Variants in CCDC39 observed in about 807,000 individuals in gnomAD.
CCDC39 encodes the protein coiled-coil domain-containing protein 39.
Under a neutral mutation model 121.0 loss-of-function variants are expected in CCDC39, and 113 were observed. The observed-to-expected ratio is 0.93, with a 90% confidence interval of 0.80 to 1.09. CCDC39 has a LOEUF of 1.09. CCDC39 is among the 50% of genes least tolerant of loss of function. The pLI, the probability that CCDC39 is intolerant of heterozygous loss-of-function variation, is 0.00. For synonymous variants in CCDC39, 349 were observed against 352.2 expected (o/e 0.99, Z 0.10); for missense variants, 1,063 against 1,074.7 (o/e 0.99, Z 0.15).
intron 6 of CCDC39, among the ~76,000 whole-genome samples, chr3:180,658,753 A>C (rs1310310618): frequency 6.6e-6 from 1 of 152,140 alleles, no homozygotes; most frequent in African/African-American, 2.4e-5. Context: ...CAGATACCAG[A>C]ATTTAAACTC....
intron 16 of CCDC39, chr3:180,617,497 C>A: frequency 1.5e-6 from 1 of 673,812 alleles, no homozygotes. Flanking sequence ...GTTACTGACC[C>A]TGAAGACCTT....
At chr3:180,648,511 C>A (rs376853432) in intron 9 of CCDC39, among the ~76,000 whole-genome samples, 152 bp from the exon 10 acceptor site, 1 of 152,164 alleles carries the variant, frequency 6.6e-6, no homozygotes, top group African/African-American at 2.4e-5. Flanking sequence ...TTTAACAAGT[C>A]CCCAGCATTT....
At chr3:180,635,955 C>T (rs1293179872) in intron 13 of CCDC39, among the ~76,000 whole-genome samples, 2 of 152,108 alleles carry the variant, frequency 1.3e-5, no homozygotes, top group African/African-American at 4.8e-5. Flanking sequence ...GAACATACCT[C>T]AAAATAATAA....
At chr3:180,650,650 A>T (rs1188670339) in intron 9 of CCDC39, among the ~76,000 whole-genome samples, 2 of 151,784 alleles carry the variant, frequency 1.3e-5, no homozygotes, top group Admixed American at 6.6e-5. Flanking sequence ...TGAGGTCAGG[A>T]GTTTGAGGCC....
intron 14 of CCDC39, among the ~76,000 whole-genome samples, chr3:180,627,582 C>T (rs189732236): frequency 6.6e-6 from 1 of 152,174 alleles, no homozygotes. Flanking sequence ...CTTAATTGGA[C>T]AGTGTCATTA....
intron 13 of CCDC39, among the ~76,000 whole-genome samples, chr3:180,633,035 A>G (rs1304952358): frequency 6.6e-6 from 1 of 152,208 alleles, no homozygotes. Context: ...TAGGAATGAG[A>G]TAAAGTCTTC....
intron 1 of CCDC39, among the ~76,000 whole-genome samples, chr3:180,671,072 TGTG>T (rs995829403): frequency 6.6e-6 from 1 of 151,824 alleles, no homozygotes; most frequent in Non-Finnish European, 1.5e-5. Flanking sequence ...ACTAGCTAGG[TGTG>T]GTGGTATGCA....
At chr3:180,617,432 T>C (rs1717288820) in intron 16 of CCDC39, 1 of 683,478 alleles carries the variant, frequency 1.5e-6, no homozygotes, top group Non-Finnish European at 2.7e-6. Flanking sequence ...AGGCAGGTCC[T>C]TCAGGAGATA....
At chr3:180,659,639 C>T in intron 5 of CCDC39, 38 bp downstream of exon 5, 1 of 1,604,566 alleles carries the variant, frequency 6.2e-7, no homozygotes, top group Non-Finnish European at 8.5e-7. Flanking sequence ...CAAACATCAC[C>T]TTGAAAATTA....
At position 180,616,906 on chromosome 3, in the gene CCDC39, A is replaced by C; in HGVS notation, c.2326T>G (p.Ser776Ala). 1.3e-6 allele frequency: 2 copies of C among 1,563,692 alleles called. No individual in the cohort carries two copies. Among genetic ancestry groups the C allele is most frequent in the East Asian group, 4.5e-5 (2 of 44,478 alleles). Reference sequence around the variant, plus strand: ...TGAAATGAATAAGCCTGCTTCTCTGATAACTTTTCTTTAACATTATTTGCC... The same window carrying C: ...TGAAATGAATAAGCCTGCTTCTCTGCTAACTTTTCTTTAACATTATTTGCC... ...HLANNVKEKL[S>A]EKQAYSFQLS... The change falls in exon 17 of 20, where the codon TCA becomes GCA. Residue 776 changes from serine (S) to alanine (A), a missense_variant. Physicochemically the swap from Ser to Ala is moderately conservative, Grantham distance 99. Coordinates refer to ENST00000476379, the MANE Select transcript of CCDC39 (RefSeq NM_181426.2).
chr3:180,635,643 A>G (rs1342475457), intron 13 of CCDC39, among the ~76,000 whole-genome samples: 1 of 152,164 alleles, frequency 6.6e-6, no homozygotes, highest in African/African-American at 2.4e-5. Context: ...CATGTCTCAC[A>G]TCCAGGGCAC....
chr3:180,629,556 C>G (rs1717645939), intron 14 of CCDC39, among the ~76,000 whole-genome samples: 1 of 152,102 alleles, frequency 6.6e-6, no homozygotes, highest in Non-Finnish European at 1.5e-5. Flanking sequence ...ATCATTGCAC[C>G]CATGGTTTGC....
intron 13 of CCDC39, among the ~76,000 whole-genome samples, chr3:180,632,519 C>T (rs912985040): frequency 1.6e-4 from 24 of 152,182 alleles, no homozygotes; most frequent in African/African-American, 4.8e-4. Flanking sequence ...TTAATTATCA[C>T]TCATTTCCTC....
chr3:180,614,266 C>A lies in CCDC39; in HGVS notation c.*655G>T, dbSNP rs1366317159. ...TGTATCTGAAAGCAAATCTTTAATG[C>A]GTTTATTTCAAGGTCAGAAGTGATT... On this transcript the variant is annotated 3_prime_UTR_variant, in exon 20 of 20. Transcript: ENST00000476379. The A allele has an allele frequency of 6.5e-6, 1 of 154,028 alleles. No homozygotes were observed. The highest frequency in any genetic ancestry group is 6.6e-5 in the Admixed American group (1 of 15,256). 9.5% of individuals were successfully genotyped at this position (154,028 alleles called of 1,614,324 possible). A position where few individuals can be genotyped will look rare whatever the true frequency, so the allele number is the denominator to read the frequency against.
chr3:180,660,459 C>A, intron 4 of CCDC39, 111 bp downstream of exon 4: 1 of 951,246 alleles, frequency 1.1e-6, no homozygotes, highest in South Asian at 2.7e-5. Flanking sequence ...GCCTCTGACT[C>A]AGAAGTTTAA....
chr3:180,629,052 G>T (rs544404625), intron 14 of CCDC39, among the ~76,000 whole-genome samples: 1 of 152,326 alleles, frequency 6.6e-6, no homozygotes, highest in African/African-American at 2.4e-5. Flanking sequence ...GGCAAGGTTT[G>T]TCCCAGCAGT....
intron 13 of CCDC39, among the ~76,000 whole-genome samples, chr3:180,633,507 G>C (rs1234062152): frequency 6.6e-6 from 1 of 152,146 alleles, no homozygotes; most frequent in Non-Finnish European, 1.5e-5. Context: ...TGTAAGAGCA[G>C]TGAAGAATAA....
At chr3:180,670,099 T>C (rs754159512) in intron 1 of CCDC39, among the ~76,000 whole-genome samples, 5 of 152,134 alleles carry the variant, frequency 3.3e-5, no homozygotes, top group Non-Finnish European at 7.4e-5. Context: ...ATAACTACAT[T>C]AAAAACATGT....
intron 14 of CCDC39, among the ~76,000 whole-genome samples, chr3:180,623,074 GATTTTTATT>G (rs1321223927): frequency 7.8e-6 from 1 of 127,970 alleles, no homozygotes; most frequent in Non-Finnish European, 1.6e-5. Context: ...GTTGTTTGGA[GATTTTTATT>G]ATTATTATTA....
Sources: gnomAD v4.1 joint callset for allele counts (sites outside exome capture counted in the v4.1 genomes callset) on GRCh38, gnomAD v4.1.1 for gene constraint, MANE v1.5 for transcripts, NCBI Gene and HGNC (gene_info 2026-07-23, HGNC 2026-07-21) for gene names.